Variants in CACFD1 observed in about 807,000 individuals in gnomAD.
The protein encoded by CACFD1 is calcium channel flower domain containing 1, also known as calcium channel flower homolog.
A neutral mutation model predicts 21.3 loss-of-function variants in CACFD1; 26 were observed. The ratio of observed to expected loss-of-function variants is 1.22; its 90% CI spans 0.89 to 1.69. The LOEUF (loss-of-function observed/expected upper bound fraction) is 1.69, where lower values mean the gene tolerates loss of function less well. Among genes scored for constraint, CACFD1 ranks in the 40% most tolerant of loss-of-function variants. The pLI is 0.00. For synonymous variants in CACFD1, 121 were observed against 106.6 expected (o/e 1.13, Z -0.83); for missense variants, 265 against 236.2 (o/e 1.12, Z -0.80).
chr9:133,468,875 C>T lies in CACFD1; in HGVS notation c.*222C>T. The T allele has an allele frequency of 1.4e-6, 1 of 702,424 alleles. No individual in the cohort carries two copies. The highest frequency in any genetic ancestry group is 2.3e-6 in the Non-Finnish European group (1 of 441,486). 43.5% of individuals were successfully genotyped at this position (702,424 alleles called of 1,614,324 possible). A position where few individuals can be genotyped will look rare whatever the true frequency, so the allele number is the denominator to read the frequency against. On this transcript the variant is annotated 3_prime_UTR_variant, in exon 5 of 5. Transcript: ENST00000316948. ...GGACTTGAGGCAGAGCCTGCAGCAG[C>T]TGTGTGGACACTACCCAGCCCTACT...
At chr9:133,464,394 C>T (rs1020323632) in intron 2 of CACFD1, among the ~76,000 whole-genome samples, 1 of 152,092 alleles carries the variant, frequency 6.6e-6, no homozygotes, top group African/African-American at 2.4e-5. Context: ...GGAGTCGGAG[C>T]CTGGCCGAGT....
chr9:133,460,324 G>A (rs2130978230), intron 1 of CACFD1, 137 bp downstream of exon 1: 2 of 809,648 alleles, frequency 2.5e-6, no homozygotes, highest in South Asian at 3.0e-5. Context: ...CTCCCGGGGC[G>A]GAGGAATGGC....
At position 133,467,914 on chromosome 9, in the gene CACFD1, C is replaced by G. The variant is rs781891810; in HGVS notation, c.321-7C>G. ...GAGTGCCCCCTTGACCTCTGCTTTC[C>G]CCCCAGGATGGCGGTCGTTCCCATC... On this transcript the variant is annotated splice_polypyrimidine_tract_variant and splice_region_variant and intron_variant, in intron 3 of 4. Transcript: ENST00000316948. 12 of 1,608,424 alleles carry G rather than the reference C, an allele frequency of 7.5e-6. No individual in the cohort carries two copies. The East Asian group carries it at 2.7e-4, about 36-fold the overall frequency.
At chr9:133,462,607 TC>T (rs1843266747) in intron 1 of CACFD1, among the ~76,000 whole-genome samples, 1 of 152,204 alleles carries the variant, frequency 6.6e-6, no homozygotes, top group Admixed American at 6.5e-5. Context: ...CTGGGCTTGC[TC>T]CCTGCCCAGC....
At chr9:133,463,177 G>T (rs1327023904) in intron 1 of CACFD1, among the ~76,000 whole-genome samples, 1 of 152,224 alleles carries the variant, frequency 6.6e-6, no homozygotes, top group Non-Finnish European at 1.5e-5. Context: ...CTTTGAGGTG[G>T]ATATTGATGT....
intron 2 of CACFD1, 118 bp downstream of exon 2, chr9:133,463,673 G>A: frequency 9.6e-7 from 1 of 1,038,328 alleles, no homozygotes; most frequent in Non-Finnish European, 1.5e-6. Flanking sequence ...TGGTTGCCAT[G>A]GCTACTGGCT....
rs1843407194 is a variant in CACFD1 at position 133,465,625 on chromosome 9, G to A, written c.320+178G>A. 1.6e-6 allele frequency: 1 copy of A among 644,890 alleles called. No homozygotes were observed. 39.9% of individuals were successfully genotyped at this position (644,890 alleles called of 1,614,324 possible). On this transcript the variant is annotated intron_variant, in intron 3 of 4. Transcript: ENST00000316948. The surrounding 1 kb of genome is among the most constrained non-coding windows in gnomAD (Gnocchi z 5.0). ...ATAGCTGCCAAAACGTGCCCCAGTG[G>A]TTCTGCGCCCAGGAACTCAGCTGTC...
Position 133,468,834 on chromosome 9 carries a change from G to A in CACFD1, c.*181G>A, listed in dbSNP as rs1210932023. 5.5e-6 allele frequency: 6 copies of A among 1,092,740 alleles called. No individual in the cohort carries two copies. The highest frequency in any genetic ancestry group is 7.6e-6 in the Non-Finnish European group (6 of 790,598). The allele number at this position is 1,092,740 out of a possible 1,614,324, so 67.7% of individuals were successfully genotyped here. The stretch of plus-strand genomic sequence containing the variant: ...GCCAGGAGCCACTGGCTGCTGGTGT[G>A]AGGGTCTGGGCTGCTGGACTTGAGG... On this transcript the variant is annotated 3_prime_UTR_variant, in exon 5 of 5. Transcript: ENST00000316948.
rs1554797817 is a variant in CACFD1 at position 133,460,010 on chromosome 9, C to T, written c.-57C>T. 3.4e-6 allele frequency: 5 copies of T among 1,471,172 alleles called. No homozygotes were observed. The highest frequency in any genetic ancestry group is 2.9e-5 in the African/African-American group (2 of 68,104). 91.1% of individuals were successfully genotyped at this position (1,471,172 alleles called of 1,614,324 possible). On this transcript the variant is annotated 5_prime_UTR_variant, in exon 1 of 5. The change creates a new upstream start codon in the 5' untranslated region. Transcript: ENST00000316948. ...CCACAAGGCAGCGCGCCGGCTCGGACGCGGCCGGCTACCGAGCCCTTTGTG... is the reference window on the plus strand; with the variant it reads ...CCACAAGGCAGCGCGCCGGCTCGGATGCGGCCGGCTACCGAGCCCTTTGTG...
intron 1 of CACFD1, among the ~76,000 whole-genome samples, chr9:133,461,215 T>A (rs1257701240): frequency 6.6e-6 from 1 of 152,194 alleles, no homozygotes; most frequent in Non-Finnish European, 1.5e-5. Context: ...GGACCACCTT[T>A]TCAGGGTCAC....
intron 1 of CACFD1, chr9:133,462,131 C>T (rs1005272328): frequency 1.0e-4 from 132 of 1,303,802 alleles, no homozygotes; most frequent in Non-Finnish European, 1.2e-4. Context: ...GGTCCTCCCC[C>T]AAGGCTGGCT....
In CACFD1 at chr9:133,468,858, G is replaced by A; in HGVS notation, c.*205G>A. The stretch of plus-strand genomic sequence containing the variant: ...TGAGGGTCTGGGCTGCTGGACTTGA[G>A]GCAGAGCCTGCAGCAGCTGTGTGGA... On this transcript the variant is annotated 3_prime_UTR_variant, in exon 5 of 5. Transcript: ENST00000316948. The A allele has an allele frequency of 1.2e-6, 1 of 832,800 alleles. No individual in the cohort carries two copies. Among genetic ancestry groups the A allele is most frequent in the Admixed American group, 3.1e-5 (1 of 32,042 alleles). The allele number at this position is 832,800 out of a possible 1,614,324, so 51.6% of individuals were successfully genotyped here.
chr9:133,467,915 C>T lies in CACFD1; in HGVS notation c.321-6C>T, dbSNP rs782561227. ...AGTGCCCCCTTGACCTCTGCTTTCCCCCCAGGATGGCGGTCGTTCCCATCG... is the reference window on the plus strand; with the variant it reads ...AGTGCCCCCTTGACCTCTGCTTTCCTCCCAGGATGGCGGTCGTTCCCATCG... On this transcript the variant is annotated splice_polypyrimidine_tract_variant and splice_region_variant and intron_variant, in intron 3 of 4. Transcript: ENST00000316948. 1.2e-5 allele frequency: 19 copies of T among 1,609,572 alleles called. No homozygotes were observed. The highest frequency in any genetic ancestry group is 3.3e-5 in the Admixed American group (2 of 60,010).
Position 133,469,562 on chromosome 9 carries a change from C to G in CACFD1, c.*909C>G, listed in dbSNP as rs919097184. On this transcript the variant is annotated 3_prime_UTR_variant, in exon 5 of 5. Transcript: ENST00000316948. The stretch of plus-strand genomic sequence containing the variant: ...GAGCTTCTGCCTTTTAAGAACTGGG[C>G]AGAGGCCACAGTCACCTCCCCACAC... The G allele has an allele frequency of 6.6e-5, 10 of 152,564 alleles. No individual in the cohort carries two copies. Among genetic ancestry groups the G allele is most frequent in the Non-Finnish European group, 1.3e-4 (9 of 68,302 alleles). The allele number at this position is 152,564 out of a possible 1,614,324, so 9.5% of individuals were successfully genotyped here. A position where few individuals can be genotyped will look rare whatever the true frequency, so the allele number is the denominator to read the frequency against.
At chr9:133,466,059 T>C (rs587775169) in intron 3 of CACFD1, among the ~76,000 whole-genome samples, 1 of 152,334 alleles carries the variant, frequency 6.6e-6, no homozygotes, top group Non-Finnish European at 1.5e-5. Flanking sequence ...TTCATTATTG[T>C]CTAGGTTATC....
chr9:133,468,175 C>T, intron 4 of CACFD1, 147 bp downstream of exon 4: 1 of 1,074,806 alleles, frequency 9.3e-7, no homozygotes. Context: ...CTCCAGGGCT[C>T]AGCTCGAGTG....
intron 1 of CACFD1, chr9:133,462,013 G>A: frequency 2.0e-6 from 2 of 985,376 alleles, no homozygotes; most frequent in Non-Finnish European, 2.4e-6. Flanking sequence ...CATGGTGACA[G>A]CCCCCTCACG....
chr9:133,465,361 C>G lies in CACFD1; in HGVS notation c.234C>G (p.Phe78Leu). The part of the protein sequence containing the change: ...AFILLLCEAP[F>L]CCQFIEFANT... ...TCTTGTTGCTGTGTGAGGCGCCCTT[C>G]TGCTGCCAGTTCATCGAGTTTGCAA... is the stretch of plus-strand genomic sequence containing the variant. The change falls in exon 3 of 5, where the codon TTC (phenylalanine) becomes TTG (leucine). Residue 78 changes from phenylalanine (F) to leucine (L), a missense_variant. Transcript: ENST00000316948. The surrounding 1 kb of genome is among the most constrained non-coding windows in gnomAD (Gnocchi z 5.0). 6.2e-7 allele frequency: 1 copy of G among 1,614,102 alleles called. No individual in the cohort carries two copies.
Position 133,468,665 on chromosome 9 carries a change from C to T in CACFD1, c.*12C>T. ...AGGGGGAGCTGTGAAGGGCTGGGCGCCCCTCCCTCCCTGTCCCCTCTTCTG... is the reference window on the plus strand; with the variant it reads ...AGGGGGAGCTGTGAAGGGCTGGGCGTCCCTCCCTCCCTGTCCCCTCTTCTG... On this transcript the variant is annotated 3_prime_UTR_variant, in exon 5 of 5. Transcript: ENST00000316948. The T allele has an allele frequency of 1.3e-6, 2 of 1,558,002 alleles. No individual in the cohort carries two copies. The highest frequency in any genetic ancestry group is 1.7e-6 in the Non-Finnish European group (2 of 1,153,684).
Sources: gnomAD v4.1 joint callset for allele counts (sites outside exome capture counted in the v4.1 genomes callset) on GRCh38, gnomAD v4.1.1 for gene constraint, Gnocchi (gnomAD v3.1) non-coding constraint, MANE v1.5 for transcripts, NCBI Gene and HGNC (gene_info 2026-07-23, HGNC 2026-07-21) for gene names.